The following RYR2 variants were observed in gnomAD, a reference collection of about 807,000 sequenced individuals.
RYR2 encodes ryanodine receptor 2.
A neutral mutation model predicts 601.1 loss-of-function variants in RYR2; 227 were observed. The ratio of observed to expected loss-of-function variants is 0.38; its 90% CI spans 0.34 to 0.42. RYR2 has a LOEUF of 0.42. Among genes scored for constraint, RYR2 ranks in the 10% least tolerant of loss-of-function variants. The pLI is 1.00. For synonymous variants in RYR2, 2,223 were observed against 2,175.1 expected, an observed-to-expected ratio of 1.02 and a Z score of -0.61; for missense variants, 4,646 against 6,156.5, an observed-to-expected ratio of 0.75 and a Z score of 8.21.
At position 237,083,239 on chromosome 1, in the gene RYR2, G is replaced by A. The variant is rs76120267; in HGVS notation, c.48+40670G>A. Among the ~76,000 whole-genome samples, 389 of 152,240 alleles carry A rather than the reference G, an allele frequency of 2.6e-3. 1 individual carries two copies. Among genetic ancestry groups the A allele is most frequent in the African/African-American group, 9.1e-3 (376 of 41,540 alleles). ...TGAAGTGAGAGAGAAAATTCCTCAC[G>A]ACCATGTAGAAGTTTCCCGATAAAT... On this transcript the variant is annotated intron_variant, in intron 1 of 104. Transcript: ENST00000366574.
At chr1:237,343,731 C>T (rs1328272899) in intron 3 of RYR2, among the ~76,000 whole-genome samples, 4 of 151,776 alleles carry the variant, frequency 2.6e-5, no homozygotes, top group Non-Finnish European at 2.9e-5. Flanking sequence ...GGCTCTAAAG[C>T]TCCAGCATGG....
intron 25 of RYR2, among the ~76,000 whole-genome samples, chr1:237,538,701 G>GCGGA (rs1403526767): frequency 2.0e-5 from 3 of 151,802 alleles, no homozygotes; most frequent in Non-Finnish European, 4.4e-5. Flanking sequence ...AACCTGAGAG[G>GCGGA]CGGAGGTTGC....
chr1:237,135,355 G>C (rs1252596783), intron 1 of RYR2, among the ~76,000 whole-genome samples: 1 of 150,474 alleles, frequency 6.6e-6, no homozygotes, highest in Non-Finnish European at 1.5e-5. Context: ...GCATCCCCTT[G>C]TTGGTTTTTT....
chr1:237,274,937 G>C (rs1442735938), intron 2 of RYR2, among the ~76,000 whole-genome samples: 1 of 151,958 alleles, frequency 6.6e-6, no homozygotes. Flanking sequence ...TGTATAGGAG[G>C]CTGTACCATT....
chr1:237,290,936 T>A (rs1164148935), intron 2 of RYR2, among the ~76,000 whole-genome samples: 1 of 152,226 alleles, frequency 6.6e-6, no homozygotes, highest in Non-Finnish European at 1.5e-5. Flanking sequence ...TAAAGCTGCA[T>A]TCAAATTCTT....
At chr1:237,483,528 C>T (rs1240969671) in intron 17 of RYR2, among the ~76,000 whole-genome samples, 1 of 152,140 alleles carries the variant, frequency 6.6e-6, no homozygotes, top group Non-Finnish European at 1.5e-5. Context: ...TGCTTATCAC[C>T]AGTATATAAT....
chr1:237,674,628 C>T (rs1232733806), intron 59 of RYR2, 103 bp from the exon 60 acceptor site: 2 of 552,448 alleles, frequency 3.6e-6, no homozygotes, highest in Non-Finnish European at 6.5e-6. Context: ...TATAGATAAA[C>T]ATATATGTAT....
At chr1:237,561,125 CAG>C (rs372043780) in intron 27 of RYR2, among the ~76,000 whole-genome samples, 81,739 of 151,384 alleles carry the variant, frequency 0.54, 22,828 homozygotes, top group East Asian at 0.7. Flanking sequence ...AATGAGAAAA[CAG>C]GGAGAAAAAA....
chr1:237,478,896 G>A (rs16835296), intron 17 of RYR2, among the ~76,000 whole-genome samples: 1,958 of 152,306 alleles, frequency 0.013, 36 homozygotes, highest in African/African-American at 0.044. Context: ...GATGGAATGA[G>A]TGTGCACTGT....
At chr1:237,558,769 G>C (rs1405974393) in intron 27 of RYR2, among the ~76,000 whole-genome samples, 1 of 151,912 alleles carries the variant, frequency 6.6e-6, no homozygotes, top group Non-Finnish European at 1.5e-5. Context: ...TATCCCCCAG[G>C]CCTCTGAAGC....
chr1:237,364,844 C>T (rs1700066358), intron 5 of RYR2, among the ~76,000 whole-genome samples: 1 of 152,044 alleles, frequency 6.6e-6, no homozygotes, highest in Non-Finnish European at 1.5e-5. Context: ...GAAATTCTTC[C>T]ACTGGGAAAT....
At chr1:237,073,756 A>G (rs1352725753) in intron 1 of RYR2, among the ~76,000 whole-genome samples, 1 of 151,530 alleles carries the variant, frequency 6.6e-6, no homozygotes, top group Non-Finnish European at 1.5e-5. Context: ...CTGTAGTCCC[A>G]GCTACTCAGG....
chr1:237,817,750 A>G (rs1001833808), intron 100 of RYR2, among the ~76,000 whole-genome samples: 3 of 152,202 alleles, frequency 2.0e-5, no homozygotes, highest in African/African-American at 7.2e-5. Flanking sequence ...GATTTGGCAA[A>G]GGAGACTGGA....
At chr1:237,059,621 T>C (rs1662603587) in intron 1 of RYR2, among the ~76,000 whole-genome samples, 1 of 152,156 alleles carries the variant, frequency 6.6e-6, no homozygotes, top group Non-Finnish European at 1.5e-5. Flanking sequence ...CAGTTTTTCA[T>C]AAGAGGAAAG....
intron 1 of RYR2, among the ~76,000 whole-genome samples, chr1:237,168,556 C>T (rs909097754): frequency 2.0e-5 from 3 of 152,022 alleles, no homozygotes; most frequent in Middle Eastern, 3.4e-3. Flanking sequence ...TGCCTTTCGC[C>T]GAGAGGAATA....
chr1:237,453,898 C>A (rs1340614155), intron 14 of RYR2, among the ~76,000 whole-genome samples: 1 of 151,918 alleles, frequency 6.6e-6, no homozygotes, highest in African/African-American at 2.4e-5. Context: ...ATATATTTAC[C>A]GTTTCATAAG....
At chr1:237,167,221 T>C (rs1676806322) in intron 1 of RYR2, among the ~76,000 whole-genome samples, 1 of 152,210 alleles carries the variant, frequency 6.6e-6, no homozygotes. Context: ...AGGGGTTGAT[T>C]CTCATTCTGG....
At chr1:237,829,613 A>G (rs1288569952) in intron 102 of RYR2, among the ~76,000 whole-genome samples, 3 of 152,190 alleles carry the variant, frequency 2.0e-5, no homozygotes, top group Non-Finnish European at 4.4e-5. Context: ...GACCTGATCG[A>G]TTGTTCTCCC....
At chr1:237,121,149 A>T (rs1309960063) in intron 1 of RYR2, 4 of 152,166 alleles carry the variant, frequency 2.6e-5, no homozygotes, top group African/African-American at 9.7e-5. Context: ...AAGGGTGGCA[A>T]CAGAAATGAT....
Sources: gnomAD v4.1 joint callset for allele counts (sites outside exome capture counted in the v4.1 genomes callset) on GRCh38, gnomAD v4.1.1 for gene constraint, MANE v1.5 for transcripts, NCBI Gene and HGNC (gene_info 2026-07-23, HGNC 2026-07-21) for gene names.